The following KNDC1 variants were observed in gnomAD, a reference collection of about 807,000 sequenced individuals.
KNDC1 encodes kinase non-catalytic C-lobe domain-containing protein 1.
KNDC1 carries 106 observed loss-of-function variants against 172.8 expected under a neutral mutation model. That is an observed-to-expected ratio of 0.61 (90% confidence interval 0.52 to 0.72). The LOEUF is 0.72. Ranked by LOEUF, KNDC1 falls within the 30% of genes least tolerant of loss-of-function variation. The pLI is 0.00. For synonymous variants in KNDC1, 1,083 were observed against 1,062.2 expected (o/e 1.02, Z -0.38); for missense variants, 2,325 against 2,394.5 (o/e 0.97, Z 0.61).
intron 3 of KNDC1, among the ~76,000 whole-genome samples, chr10:133,169,152 A>C (rs951776632): frequency 6.6e-6 from 1 of 152,102 alleles, no homozygotes; most frequent in African/African-American, 2.4e-5. Flanking sequence ...ATGACCTTAA[A>C]ATTTGACCTT....
chr10:133,199,226 C>T lies in KNDC1; in HGVS notation c.2718C>T (p.Phe906=), dbSNP rs756286821. 1.2e-5 allele frequency: 19 copies of T among 1,572,062 alleles called. 1 individual carries two copies. Among genetic ancestry groups the T allele is most frequent in the African/African-American group, 8.1e-5 (6 of 74,160 alleles). ...GCCTCATCCAGGAGGAATTTGCCTT[C>T]GATGGCTACCTGGACAATGGGCTGG... ...ATRLIQEEFA[F]DGYLDNGLEA... is the part of the protein sequence containing the mutation. Residue 906 remains phenylalanine, a synonymous_variant, in exon 14 of 30, where the codon TTC becomes TTT. Coordinates refer to ENST00000304613, the MANE Select transcript of KNDC1 (RefSeq NM_152643.8).
chr10:133,177,813 A>G (rs1853590731), intron 3 of KNDC1, among the ~76,000 whole-genome samples: 1 of 150,872 alleles, frequency 6.6e-6, no homozygotes, highest in South Asian at 2.1e-4. Flanking sequence ...TGGTGTGTGC[A>G]TGTTTGTGGT....
At chr10:133,215,322 C>T (rs545316477) in intron 26 of KNDC1, among the ~76,000 whole-genome samples, 141 of 152,388 alleles carry the variant, frequency 9.3e-4, no homozygotes, top group Non-Finnish European at 1.6e-3. Context: ...GGCGGCAAAG[C>T]CACCTCCACG....
At position 133,209,278 on chromosome 10, in the gene KNDC1, TGTGTGGAGTATAGTGTGTGTG is replaced by T. The variant is rs1373504492; in HGVS notation, c.3795-1326_3795-1306del. 1.3e-5 allele frequency among the ~76,000 whole-genome samples: 2 copies of T among 148,972 alleles called. No individual in the cohort carries two copies. Among genetic ancestry groups the T allele is most frequent in the Non-Finnish European group, 3.0e-5 (2 of 67,104 alleles). On this transcript the variant is annotated intron_variant, in intron 20 of 29. Coordinates refer to ENST00000304613, the MANE Select transcript of KNDC1 (RefSeq NM_152643.8). This position sits in a 1 kb window ranked among gnomAD's most constrained non-coding sequence, Gnocchi z 4.9. ...GTGGTATGCGGTAGTGTGTGTGTGGTGTGTGGAGTATAGTGTGTGTGGTGTGGGGTACAGTGTGTGTGTGCA... is the reference window on the plus strand; with the variant it reads ...GTGGTATGCGGTAGTGTGTGTGTGGTGTGTGGGGTACAGTGTGTGTGTGCA...
At chr10:133,208,939 G>A (rs1845285701) in intron 20 of KNDC1, among the ~76,000 whole-genome samples, 2 of 152,058 alleles carry the variant, frequency 1.3e-5, no homozygotes, top group African/African-American at 4.8e-5. Flanking sequence ...TGTCTGGCAT[G>A]TAAGCACACG....
chr10:133,199,682 C>CA, intron 15 of KNDC1, 80 bp downstream of exon 15: 1 of 1,497,388 alleles, frequency 6.7e-7, no homozygotes, highest in Non-Finnish European at 9.1e-7. Context: ...GACCCGGGCC[C>CA]AGCCTTCCCC....
chr10:133,167,632 C>T (rs1853216503), intron 2 of KNDC1, 53 bp downstream of exon 2: 4 of 1,519,194 alleles, frequency 2.6e-6, no homozygotes, highest in Non-Finnish European at 2.7e-6. Context: ...GTGGAGGTGC[C>T]TTTCAGGGGG....
At position 133,163,192 on chromosome 10, in the gene KNDC1, C is replaced by T. The variant is rs571015210; in HGVS notation, c.102+2623C>T. Among the ~76,000 whole-genome samples, 53 of 152,264 alleles carry T rather than the reference C, an allele frequency of 3.5e-4. No homozygotes were observed. The highest frequency in any genetic ancestry group is 1.1e-3 in the African/African-American group (45 of 41,526). ...CGATGGATGGGCAATGCTGGCTGCC[C>T]CATGGGAATTCAGATGAGACGAAGA... is the stretch of plus-strand genomic sequence containing the variant. On this transcript the variant is annotated intron_variant, in intron 1 of 29. Coordinates refer to ENST00000304613, the MANE Select transcript of KNDC1 (RefSeq NM_152643.8). The surrounding 1 kb of genome is among the most constrained non-coding windows in gnomAD (Gnocchi z 4.4).
rs1043364763 is a variant in KNDC1 at position 133,211,824 on chromosome 10, G to C, written c.4202G>C (p.Cys1401Ser). The C allele has an allele frequency of 1.2e-6, 2 of 1,610,048 alleles. No homozygotes were observed. The highest frequency in any genetic ancestry group is 1.3e-5 in the African/African-American group (1 of 74,842). ...GATGCCAGACCCTTCAACGCCCTCT[G>C]TAAGAGGCTCTCAGAGGACGGCATC... Reference protein sequence around the residue: ...EEDARPFNALCKRLSEDGISR... With the variant: ...EEDARPFNALSKRLSEDGISR... Residue 1401 changes from cysteine to serine, a missense_variant, in exon 23 of 30, where the codon TGT becomes TCT. Coordinates refer to ENST00000304613, the MANE Select transcript of KNDC1 (RefSeq NM_152643.8).
chr10:133,200,290 G>A (rs947454757), intron 15 of KNDC1, 85 bp from the exon 16 acceptor site: 1 of 1,025,394 alleles, frequency 9.8e-7, no homozygotes, highest in Non-Finnish European at 1.4e-6. Context: ...GCATAGACGT[G>A]TGGGCCTGTG....
intron 3 of KNDC1, among the ~76,000 whole-genome samples, chr10:133,170,978 C>T (rs2998146): frequency 0.83 from 125,883 of 152,262 alleles, 52,487 homozygotes; most frequent in Middle Eastern, 0.91. Context: ...AAAAGCTGGC[C>T]GACGGTGTCC....
chr10:133,173,056 G>C (rs1370651064), intron 3 of KNDC1, among the ~76,000 whole-genome samples: 3 of 152,154 alleles, frequency 2.0e-5, no homozygotes, highest in Admixed American at 2.0e-4. Flanking sequence ...AGTCAGCTGT[G>C]GGTCTGCTTT....
chr10:133,211,283 G>A, intron 21 of KNDC1, 139 bp from the exon 22 acceptor site: 2 of 727,252 alleles, frequency 2.8e-6, no homozygotes, highest in Non-Finnish European at 2.2e-6. Context: ...ACCCACGGAA[G>A]ACCCCCAGCC....
intron 6 of KNDC1, among the ~76,000 whole-genome samples, chr10:133,187,258 C>T (rs761926919): frequency 1.3e-5 from 2 of 152,240 alleles, no homozygotes; most frequent in Non-Finnish European, 2.9e-5. Context: ...AGTGCTGCCC[C>T]TGGTCAGCTG....
chr10:133,214,237 C>T (rs758621463), intron 26 of KNDC1, 115 bp downstream of exon 26: 25 of 1,142,514 alleles, frequency 2.2e-5, no homozygotes, highest in Middle Eastern at 2.9e-4. Flanking sequence ...GTGAACCCAA[C>T]TCTGTGTCCC....
At chr10:133,161,021 CTG>C (rs1402230389) in intron 1 of KNDC1, among the ~76,000 whole-genome samples, 2 of 152,056 alleles carry the variant, frequency 1.3e-5, no homozygotes, top group Admixed American at 6.5e-5. Context: ...CCCCCCGAGA[CTG>C]AGAGCTGCTT....
intron 5 of KNDC1, among the ~76,000 whole-genome samples, chr10:133,185,365 T>TGC (rs1853863538): frequency 9.6e-6 from 1 of 103,938 alleles, no homozygotes; most frequent in African/African-American, 3.3e-5. Flanking sequence ...AGGCAGTGTG[T>TGC]ACAGTGTGGA....
intron 6 of KNDC1, among the ~76,000 whole-genome samples, chr10:133,188,101 G>A (rs1326519037): frequency 2.6e-5 from 4 of 152,122 alleles, no homozygotes; most frequent in Non-Finnish European, 4.4e-5. Context: ...GAGGCCAAGC[G>A]CCATCCACAC....
chr10:133,198,972 C>T lies in KNDC1; in HGVS notation c.2464C>T (p.His822Tyr), dbSNP rs749442637. 3.8e-5 allele frequency: 59 copies of T among 1,545,368 alleles called. 3 individuals are homozygous for T. The Admixed American group carries it at 9.2e-4, about 24-fold the overall frequency. Reference protein sequence around the residue: ...RPDALGPTTAHHGPRHPPKPP... With the variant: ...RPDALGPTTAYHGPRHPPKPP... ...CGACGCCCTGGGGCCCACCACGGCC[C>T]ACCACGGCCCACGCCACCCGCCCAA... Residue 822 changes from histidine (H) to tyrosine (Y), a missense_variant, in exon 14 of 30, where the codon CAC (histidine) becomes TAC (tyrosine). Physicochemically the swap from His to Tyr is moderately conservative, Grantham distance 83. Transcript: ENST00000304613.
Sources: gnomAD v4.1 joint callset for allele counts (sites outside exome capture counted in the v4.1 genomes callset) on GRCh38, gnomAD v4.1.1 for gene constraint, Gnocchi (gnomAD v3.1) non-coding constraint, MANE v1.5 for transcripts, NCBI Gene and HGNC (gene_info 2026-07-23, HGNC 2026-07-21) for gene names.